TM7SF3: variants seen among roughly 807,000 people sequenced by gnomAD.
The protein encoded by TM7SF3 is transmembrane 7 superfamily member 3, also known as seven span transmembrane protein.
A neutral mutation model predicts 65.5 loss-of-function variants in TM7SF3; 60 were observed. The ratio of observed to expected loss-of-function variants is 0.92; its 90% CI spans 0.74 to 1.14. The LOEUF (loss-of-function observed/expected upper bound fraction) is 1.14, where lower values mean the gene tolerates loss of function less well. Ranked by LOEUF, TM7SF3 falls within the 50% of genes most tolerant of loss-of-function variation. The pLI, the probability that TM7SF3 is intolerant of heterozygous loss-of-function variation, is 0.00. For synonymous variants in TM7SF3, 264 were observed against 259.6 expected (o/e 1.02, Z -0.16); for missense variants, 623 against 684.8 (o/e 0.91, Z 1.01).
chr12:27,014,044 T>G, intron 1 of TM7SF3, 34 bp downstream of exon 1: 1 of 1,531,160 alleles, frequency 6.5e-7, no homozygotes, highest in Non-Finnish European at 8.9e-7. Context: ...CAAAAGCAAC[T>G]TTGGGTTGCA....
In TM7SF3 at chr12:27,014,236, C is replaced by A; in HGVS notation, c.-68G>T. 1 of 1,472,274 alleles carries A rather than the reference C, an allele frequency of 6.8e-7. No homozygotes were observed. The highest frequency in any genetic ancestry group is 9.2e-7 in the Non-Finnish European group (1 of 1,091,796). The allele number at this position is 1,472,274 out of a possible 1,614,324, so 91.2% of individuals were successfully genotyped here. A position where few individuals can be genotyped will look rare whatever the true frequency, so the allele number is the denominator to read the frequency against. On this transcript the variant is annotated 5_prime_UTR_variant, in exon 1 of 12. Coordinates refer to ENST00000343028, the MANE Select transcript of TM7SF3 (RefSeq NM_016551.3). ...GGTGCGGGCGTGCGCGCCGGGGCCC[C>A]GCAGCCTCGCCCACGCTATCCCGGG...
chr12:26,999,372 G>A (rs1016711720), intron 3 of TM7SF3, among the ~76,000 whole-genome samples, 154 bp downstream of exon 3: 2 of 151,500 alleles, frequency 1.3e-5, no homozygotes, highest in Non-Finnish European at 2.9e-5. Context: ...CTCCAGCCTG[G>A]GTGACAGTGC....
At chr12:26,976,149 G>C (rs1452371757) in intron 10 of TM7SF3, 111 bp downstream of exon 10, 2 of 803,970 alleles carry the variant, frequency 2.5e-6, no homozygotes, top group African/African-American at 3.5e-5. Flanking sequence ...ATCTGATACA[G>C]GTAACACAGC....
chr12:27,013,920 G>GA (rs1941340725), intron 1 of TM7SF3, among the ~76,000 whole-genome samples, 158 bp downstream of exon 1: 1 of 152,164 alleles, frequency 6.6e-6, no homozygotes, highest in Non-Finnish European at 1.5e-5. Context: ...TCCGCTGCAG[G>GA]AAACACCATT....
chr12:26,988,128 T>C (rs1940180449), intron 6 of TM7SF3, among the ~76,000 whole-genome samples: 1 of 150,206 alleles, frequency 6.7e-6, no homozygotes, highest in African/African-American at 2.4e-5. Context: ...TTAAATGCAA[T>C]GTGGGATCCT....
chr12:26,985,621 C>CAAAAAA (rs544145636), intron 6 of TM7SF3, among the ~76,000 whole-genome samples: 2 of 61,062 alleles, frequency 3.3e-5, no homozygotes, highest in Non-Finnish European at 2.9e-5. Flanking sequence ...GTGAGACTGT[C>CAAAAAA]AAAAAAAAAA....
At chr12:26,985,486 G>A (rs927588257) in intron 6 of TM7SF3, among the ~76,000 whole-genome samples, 2 of 151,264 alleles carry the variant, frequency 1.3e-5, no homozygotes, top group Non-Finnish European at 2.9e-5. Context: ...TTAGCAGGGT[G>A]TGGTGGTACA....
chr12:27,003,300 T>C lies in TM7SF3; in HGVS notation c.182A>G (p.Asn61Ser). 3 of 1,613,530 alleles carry C rather than the reference T, an allele frequency of 1.9e-6. No homozygotes were observed. Among genetic ancestry groups the C allele is most frequent in the South Asian group, 1.1e-5 (1 of 91,068 alleles). Residue 61 changes from asparagine to serine, a missense_variant, in exon 2 of 12, where the codon AAT (asparagine) becomes AGT (serine). Transcript: ENST00000343028. ...TATTTGGAAAATAAGAAAAGTCACATTGCTTGAAATATCATGCAAAATAGC... is the reference window on the plus strand; with the variant it reads ...TATTTGGAAAATAAGAAAAGTCACACTGCTTGAAATATCATGCAAAATAGC... ...EEAILHDISS[N>S]VTFLIFQIHS...
intron 1 of TM7SF3, among the ~76,000 whole-genome samples, chr12:27,005,598 T>C (rs923111164): frequency 6.6e-6 from 1 of 152,186 alleles, no homozygotes; most frequent in African/African-American, 2.4e-5. Flanking sequence ...GCCTTCATGG[T>C]AAACTTTTCT....
chr12:27,007,583 A>T (rs899514001), intron 1 of TM7SF3, among the ~76,000 whole-genome samples: 2 of 152,144 alleles, frequency 1.3e-5, no homozygotes, highest in African/African-American at 4.8e-5. Flanking sequence ...AGATGAGTTA[A>T]ATCAAAATCC....
chr12:27,003,256 T>C lies in TM7SF3; in HGVS notation c.226A>G (p.Thr76Ala), dbSNP rs754744570. Residue 76 changes from threonine to alanine, a missense_variant, in exon 2 of 12, where the codon ACA (threonine) becomes GCA (alanine). Coordinates refer to ENST00000343028, the MANE Select transcript of TM7SF3 (RefSeq NM_016551.3). Reference sequence around the variant, plus strand: ...CTTACCGGAGAAAAGGAAACAGTTGTATTCTGATACTGTGAGTGTATTTGG... The same window carrying C: ...CTTACCGGAGAAAAGGAAACAGTTGCATTCTGATACTGTGAGTGTATTTGG... ...IFQIHSQYQN[T>A]TVSFSPTLLS... 1.9e-6 allele frequency: 3 copies of C among 1,610,942 alleles called. No homozygotes were observed. Among genetic ancestry groups the C allele is most frequent in the Non-Finnish European group, 2.5e-6 (3 of 1,178,502 alleles).
intron 6 of TM7SF3, among the ~76,000 whole-genome samples, chr12:26,985,908 G>A (rs1305304771): frequency 1.5e-5 from 2 of 132,374 alleles, no homozygotes; most frequent in African/African-American, 5.7e-5. Context: ...CCGCCTCCCG[G>A]GTTCACACCA....
chr12:27,004,278 C>G (rs1011203351), intron 1 of TM7SF3, among the ~76,000 whole-genome samples: 1 of 152,094 alleles, frequency 6.6e-6, no homozygotes, highest in African/African-American at 2.4e-5. Flanking sequence ...GATTCCTACC[C>G]CACCCCCCAT....
At position 26,975,482 on chromosome 12, in the gene TM7SF3, T is replaced by C; in HGVS notation, c.1450+14A>G. The C allele has an allele frequency of 6.2e-7, 1 of 1,613,900 alleles. No homozygotes were observed. The highest frequency in any genetic ancestry group is 8.5e-7 in the Non-Finnish European group (1 of 1,179,814). On this transcript the variant is annotated intron_variant, in intron 11 of 11. Transcript: ENST00000343028. ...CTGTGCTGTCACACTGGTTTTTGGA[T>C]TTAAGAGTCTTACCATTAGTTTGAA...
intron 9 of TM7SF3, among the ~76,000 whole-genome samples, chr12:26,977,224 T>TA (rs1939604271): frequency 2.0e-5 from 3 of 152,236 alleles, no homozygotes; most frequent in Non-Finnish European, 4.4e-5. Flanking sequence ...GAGGTGAACT[T>TA]ATAGATTCTA....
rs15556 is a variant in TM7SF3 at position 26,971,722 on chromosome 12, A to T, written c.*2243T>A. 6.6e-6 allele frequency: 1 copy of T among 152,056 alleles called. No homozygotes were observed. The highest frequency in any genetic ancestry group is 1.5e-5 in the Non-Finnish European group (1 of 68,008). The allele number at this position is 152,056 out of a possible 1,614,324, so 9.4% of individuals were successfully genotyped here. ...GTCTTCACTGGCAGTGCATTCAGAT[A>T]GTATAGAAAATAACAAACATTCCAT... is the stretch of plus-strand genomic sequence containing the variant. On this transcript the variant is annotated 3_prime_UTR_variant, in exon 12 of 12. Transcript: ENST00000343028.
intron 4 of TM7SF3, 104 bp from the exon 5 acceptor site, chr12:26,995,512 C>T: frequency 3.3e-6 from 4 of 1,214,774 alleles, no homozygotes; most frequent in Non-Finnish European, 4.7e-6. Flanking sequence ...ACAATAATTA[C>T]AATTTAACAG....
intron 1 of TM7SF3, among the ~76,000 whole-genome samples, chr12:27,013,750 G>C (rs1243470480): frequency 2.0e-5 from 3 of 152,124 alleles, no homozygotes; most frequent in Non-Finnish European, 4.4e-5. Context: ...CAGTCCACTG[G>C]GCAGCAAAGA....
rs1357701824 is a variant in TM7SF3 at position 26,973,862 on chromosome 12, A to G, written c.*103T>C. The stretch of plus-strand genomic sequence containing the variant: ...GGCACCATAATATTATGCAAAGAAC[A>G]GATATATATGCCTGATCTCTTATTA... On this transcript the variant is annotated 3_prime_UTR_variant, in exon 12 of 12. Transcript: ENST00000343028. The G allele has an allele frequency of 1.0e-5, 14 of 1,398,152 alleles. No individual in the cohort carries two copies. The highest frequency in any genetic ancestry group is 1.3e-5 in the Non-Finnish European group (13 of 1,033,760). The allele number at this position is 1,398,152 out of a possible 1,614,324, so 86.6% of individuals were successfully genotyped here. A position where few individuals can be genotyped will look rare whatever the true frequency, so the allele number is the denominator to read the frequency against.
Sources: allele counts gnomAD v4.1 joint callset (sites outside exome capture counted in the v4.1 genomes callset), GRCh38; gene constraint gnomAD v4.1.1; transcripts MANE v1.5; gene names NCBI Gene and HGNC (gene_info 2026-07-23, HGNC 2026-07-21).